CUX2: variants seen among roughly 807,000 people sequenced by gnomAD.
CUX2 encodes homeobox protein cut-like 2.
Under a neutral mutation model 144.8 loss-of-function variants are expected in CUX2, and 40 were observed. That is an observed-to-expected ratio of 0.28 (90% confidence interval 0.21 to 0.36). The LOEUF (loss-of-function observed/expected upper bound fraction) is 0.36. CUX2 is among the 10% of genes least tolerant of loss of function. The pLI is 1.00. For missense variants in CUX2, 1,615 were observed against 1,994.0 expected (o/e 0.81, Z 3.62); for synonymous variants, 827 against 875.6 (o/e 0.94, Z 0.98).
chr12:111,276,383 T>C (rs2136308362), intron 4 of CUX2, among the ~76,000 whole-genome samples: 1 of 151,970 alleles, frequency 6.6e-6, no homozygotes, highest in South Asian at 2.1e-4. Flanking sequence ...AAAAAGTGAG[T>C]CACATAGGGC....
At chr12:111,201,191 C>T (rs550133149) in intron 1 of CUX2, among the ~76,000 whole-genome samples, 5 of 152,248 alleles carry the variant, frequency 3.3e-5, no homozygotes, top group East Asian at 1.9e-4. Context: ...AATCCATCAG[C>T]GCCCTCTCCT....
intron 1 of CUX2, among the ~76,000 whole-genome samples, chr12:111,151,714 T>C (rs956173904): frequency 4.1e-4 from 62 of 152,160 alleles, no homozygotes; most frequent in Admixed American, 2.2e-3. Context: ...CTGGTGTTAA[T>C]TGGCCTCCCC....
intron 1 of CUX2, among the ~76,000 whole-genome samples, chr12:111,163,045 CAA>C (rs559797657): frequency 3.9e-4 from 44 of 112,824 alleles, no homozygotes; most frequent in Middle Eastern, 4.5e-3. Context: ...GACTCTGTCT[CAA>C]AAAAAAAAAA....
chr12:111,176,379 C>T (rs757799609), intron 1 of CUX2, among the ~76,000 whole-genome samples: 1 of 152,022 alleles, frequency 6.6e-6, no homozygotes, highest in Admixed American at 6.6e-5. Flanking sequence ...GCTTGGGGAT[C>T]GGGGAGACTC....
chr12:111,191,158 A>G (rs545450493), intron 1 of CUX2, among the ~76,000 whole-genome samples: 8 of 152,152 alleles, frequency 5.3e-5, no homozygotes, highest in African/African-American at 1.7e-4. Context: ...CAGTTTTCCC[A>G]TGTATAAAAT....
chr12:111,161,562 A>G (rs1229341439), intron 1 of CUX2, among the ~76,000 whole-genome samples: 1 of 152,190 alleles, frequency 6.6e-6, no homozygotes, highest in African/African-American at 2.4e-5. Context: ...AACAACCCCA[A>G]GAGGAAAGTT....
chr12:111,207,442 G>A (rs1880981122), intron 1 of CUX2, among the ~76,000 whole-genome samples: 1 of 152,154 alleles, frequency 6.6e-6, no homozygotes, highest in Non-Finnish European at 1.5e-5. Context: ...TGAATGCATT[G>A]ATGGACGAGT....
chr12:111,163,706 A>T (rs1877934698), intron 1 of CUX2, among the ~76,000 whole-genome samples: 1 of 152,182 alleles, frequency 6.6e-6, no homozygotes. Context: ...ACTTTGCATT[A>T]GGCTGCTGCT....
intron 1 of CUX2, among the ~76,000 whole-genome samples, chr12:111,074,753 G>C (rs1406855760): frequency 6.6e-6 from 1 of 152,060 alleles, no homozygotes; most frequent in Admixed American, 6.5e-5. Context: ...CAGGCAGCGG[G>C]TAAACAGCAG....
At chr12:111,259,733 C>T (rs1884015819) in intron 3 of CUX2, among the ~76,000 whole-genome samples, 1 of 145,770 alleles carries the variant, frequency 6.9e-6, no homozygotes, top group African/African-American at 2.6e-5. Context: ...GTGTGTGGTG[C>T]ACATCTGTAA....
Position 111,061,215 on chromosome 12 carries a change from C to CAG in CUX2, c.63+26976_63+26977dup, listed in dbSNP as rs1479205529. 4.6e-5 allele frequency among the ~76,000 whole-genome samples: 7 copies of CAG among 150,566 alleles called. No individual in the cohort carries two copies. The highest frequency in any genetic ancestry group is 7.4e-5 in the African/African-American group (3 of 40,298). On this transcript the variant is annotated intron_variant, in intron 1 of 21. Transcript: ENST00000261726. The surrounding 1 kb of genome is among the most constrained non-coding windows in gnomAD (Gnocchi z 4.2). ...ACACACACACACACACACACACACACAGCAAGGAGGATGCCTGGCTTTCTG... is the reference window on the plus strand; with the variant it reads ...ACACACACACACACACACACACACACAGAGCAAGGAGGATGCCTGGCTTTCTG...
At chr12:111,250,339 C>A (rs1285906260) in intron 3 of CUX2, among the ~76,000 whole-genome samples, 1 of 152,154 alleles carries the variant, frequency 6.6e-6, no homozygotes. Context: ...GCCCCCCGCC[C>A]CCCAATTCAC....
At chr12:111,298,480 A>G in intron 8 of CUX2, 61 bp from the exon 9 acceptor site, 1 of 1,524,770 alleles carries the variant, frequency 6.6e-7, no homozygotes, top group Non-Finnish European at 8.9e-7. Flanking sequence ...GGGTGTCAGG[A>G]GGGGCGGGGG....
chr12:111,067,080 G>A (rs990035592), intron 1 of CUX2, among the ~76,000 whole-genome samples: 2 of 152,182 alleles, frequency 1.3e-5, no homozygotes, highest in African/African-American at 2.4e-5. Context: ...AGAGGCCATC[G>A]TGTCACAGAT....
intron 1 of CUX2, among the ~76,000 whole-genome samples, chr12:111,070,390 TTCTTTCCTTCCTTCCTTCC>T (rs1566199788): frequency 5.6e-5 from 4 of 71,862 alleles, no homozygotes; most frequent in Admixed American, 2.7e-4. Context: ...CCTTCCTTCC[TTCTTTCCTTCCTTCCTTCC>T]TTCCTTCCTT....
chr12:111,080,003 G>A (rs2136041277), intron 1 of CUX2, among the ~76,000 whole-genome samples: 3 of 152,344 alleles, frequency 2.0e-5, no homozygotes, highest in South Asian at 4.1e-4. Context: ...CTTGCTTGCT[G>A]TGTGACCTTG....
rs754522814 is a variant in CUX2 at position 111,338,247 on chromosome 12, A to T, written c.3197-39A>T. The T allele has an allele frequency of 5.8e-6, 9 of 1,558,106 alleles. No homozygotes were observed. In the South Asian group the frequency reaches 1.1e-4, roughly 18 times the overall value. ...CTCCTGGGAGTAGGCTTCTCTGCCC[A>T]GCCTCGGGTAACAGATTGCTCCCCT... On this transcript the variant is annotated intron_variant, in intron 19 of 21. Transcript: ENST00000261726.
chr12:111,315,191 G>A (rs1887131843), intron 16 of CUX2, among the ~76,000 whole-genome samples: 1 of 152,214 alleles, frequency 6.6e-6, no homozygotes, highest in Non-Finnish European at 1.5e-5. Flanking sequence ...CGCTGCCAGG[G>A]AGGAAATGAA....
rs1176726550 is a variant in CUX2, at chr12:111,189,060, A to G, written c.64-25140A>G. Among the ~76,000 whole-genome samples the G allele has an allele frequency of 1.6e-4, 24 of 152,170 alleles. 1 individual carries two copies. Among genetic ancestry groups the G allele is most frequent in the Admixed American group, 1.6e-3 (24 of 15,278 alleles). On this transcript the variant is annotated intron_variant, in intron 1 of 21. Transcript: ENST00000261726. ...TTTGGGAGGCTGAGACGGGTGGATC[A>G]CTTGAGCCCAGGAGTTTGAGACCAG...
Sources: allele counts gnomAD v4.1 joint callset (sites outside exome capture counted in the v4.1 genomes callset), GRCh38; gene constraint gnomAD v4.1.1; non-coding constraint Gnocchi (gnomAD v3.1); transcripts MANE v1.5; gene names NCBI Gene and HGNC (gene_info 2026-07-23, HGNC 2026-07-21).